ZNF469: variants seen among roughly 807,000 people sequenced by gnomAD.
The protein encoded by ZNF469 is zinc finger protein 469.
In ZNF469, 1 loss-of-function variant was observed where a neutral mutation model predicts 1.0. The observed-to-expected ratio is 1.00, with a 90% CI of 0.35 to 4.73. The LOEUF is 4.73. Ranked by LOEUF, ZNF469 falls within the 30% of genes most tolerant of loss-of-function variation. The pLI is 0.16. For synonymous variants in ZNF469, 2,703 were observed against 2,363.4 expected (o/e 1.14, Z -4.17); for missense variants, 6,100 against 5,356.3 (o/e 1.14, Z -4.33).
the ZNF469 span, among the ~76,000 whole-genome samples, chr16:88,167,766 G>C: frequency 1.7e-3 from 256 of 152,342 alleles, 4 homozygotes; most frequent in South Asian, 4.8e-3. Flanking sequence ...TGGCCACCAA[G>C]CCCCCTCCCC....
the ZNF469 span, among the ~76,000 whole-genome samples, chr16:88,286,625 T>G: frequency 6.6e-6 from 1 of 152,356 alleles, no homozygotes; most frequent in Admixed American, 6.5e-5. Flanking sequence ...GACAGGAACA[T>G]TCTGCATTCA....
chr16:88,159,337 C>T, the ZNF469 span, among the ~76,000 whole-genome samples: 2 of 152,158 alleles, frequency 1.3e-5, no homozygotes, highest in African/African-American at 4.8e-5. Flanking sequence ...GCGATTGTGC[C>T]TGTGTGTGTC....
At chr16:88,274,886 G>T in the ZNF469 span, among the ~76,000 whole-genome samples, 3 of 152,332 alleles carry the variant, frequency 2.0e-5, no homozygotes, top group East Asian at 5.8e-4. Context: ...ATTGCTTATG[G>T]GGCAGCACTG....
At chr16:88,409,896 C>A (rs1905104080) in intron 1 of ZNF469, among the ~76,000 whole-genome samples, 2 of 138,784 alleles carry the variant, frequency 1.4e-5, no homozygotes, top group Non-Finnish European at 3.1e-5. Flanking sequence ...GCGGGGCGTT[C>A]CAGGGCTCTG....
At chr16:88,143,400 G>A in the ZNF469 span, among the ~76,000 whole-genome samples, 2 of 152,152 alleles carry the variant, frequency 1.3e-5, no homozygotes, top group South Asian at 2.1e-4. Context: ...GGGCTGGGGC[G>A]CCGAGCAGGG....
chr16:88,267,307 G>A, the ZNF469 span, among the ~76,000 whole-genome samples: 275 of 152,302 alleles, frequency 1.8e-3, no homozygotes, highest in African/African-American at 6.1e-3. Flanking sequence ...CCGTTTAAGT[G>A]CCCCAGGGAG....
chr16:88,379,592 C>T (rs1239368739), upstream of ZNF469, among the ~76,000 whole-genome samples: 1 of 152,136 alleles, frequency 6.6e-6, no homozygotes, highest in Non-Finnish European at 1.5e-5. Context: ...GGATTCTCAC[C>T]TCCCGCCATT....
chr16:88,105,631 G>A, the ZNF469 span, among the ~76,000 whole-genome samples: 1 of 152,132 alleles, frequency 6.6e-6, no homozygotes, highest in Non-Finnish European at 1.5e-5. Context: ...AGGGCCCAGG[G>A]GGACACAGTG....
chr16:88,256,875 CT>C, the ZNF469 span, among the ~76,000 whole-genome samples: 3 of 131,170 alleles, frequency 2.3e-5, no homozygotes, highest in African/African-American at 8.3e-5. Flanking sequence ...TCCTTTCTTT[CT>C]TTTCTTTTCT....
chr16:88,344,739 G>T, the ZNF469 span, among the ~76,000 whole-genome samples: 1 of 152,000 alleles, frequency 6.6e-6, no homozygotes, highest in Non-Finnish European at 1.5e-5. Flanking sequence ...CAGCCGGAAG[G>T]TCCCCCAAAG....
At chr16:88,108,009 A>T in the ZNF469 span, among the ~76,000 whole-genome samples, 1 of 152,224 alleles carries the variant, frequency 6.6e-6, no homozygotes, top group Non-Finnish European at 1.5e-5. Context: ...TGCGATCTGT[A>T]TGTCATTTGG....
chr16:88,355,900 T>C, the ZNF469 span, among the ~76,000 whole-genome samples: 9 of 152,016 alleles, frequency 5.9e-5, no homozygotes, highest in Non-Finnish European at 8.8e-5. Context: ...GCCTCTTGGG[T>C]CAGCCTCTGG....
the ZNF469 span, among the ~76,000 whole-genome samples, chr16:88,129,739 A>T: frequency 2.0e-5 from 3 of 152,220 alleles, no homozygotes; most frequent in Non-Finnish European, 4.4e-5. Context: ...GCACGCCTGC[A>T]GTCTCAGCTA....
chr16:88,202,108 G>C, the ZNF469 span, among the ~76,000 whole-genome samples: 8 of 152,314 alleles, frequency 5.3e-5, no homozygotes, highest in East Asian at 1.5e-3. Flanking sequence ...AGAGTGGCTG[G>C]AATGCCAGGT....
At chr16:88,369,919 C>A in the ZNF469 span, among the ~76,000 whole-genome samples, 16 of 152,246 alleles carry the variant, frequency 1.1e-4, no homozygotes, top group African/African-American at 3.6e-4. Context: ...TGGGGACCCA[C>A]CTCCCTGAGC....
intron 1 of ZNF469, among the ~76,000 whole-genome samples, chr16:88,408,830 G>C (rs1463771918): frequency 3.3e-5 from 5 of 152,236 alleles, no homozygotes. Flanking sequence ...CATGGCCCCA[G>C]TGCCTTTTCC....
chr16:88,405,216 A>G (rs1442997726), intron 1 of ZNF469, among the ~76,000 whole-genome samples: 1 of 152,160 alleles, frequency 6.6e-6, no homozygotes, highest in Non-Finnish European at 1.5e-5. Flanking sequence ...GGATGAGGAG[A>G]GCAGAGCAAG....
the ZNF469 span, among the ~76,000 whole-genome samples, chr16:88,115,438 G>T: frequency 2.4e-4 from 37 of 151,914 alleles, no homozygotes; most frequent in African/African-American, 9.0e-4. Flanking sequence ...CACCCCTCCA[G>T]CTCATGTCAG....
At chr16:88,391,766 G>C (rs1904498339) in intron 1 of ZNF469, among the ~76,000 whole-genome samples, 2 of 152,354 alleles carry the variant, frequency 1.3e-5, no homozygotes, top group East Asian at 3.9e-4. Flanking sequence ...AGAGAAGCCT[G>C]ACTGAACTTT....
Sources: allele counts gnomAD v4.1 joint callset (sites outside exome capture counted in the v4.1 genomes callset), GRCh38; gene constraint gnomAD v4.1.1; transcripts MANE v1.5; gene names NCBI Gene and HGNC (gene_info 2026-07-23, HGNC 2026-07-21).